RANBP3: variants seen among roughly 807,000 people sequenced by gnomAD.
The protein encoded by RANBP3 is ran-binding protein 3.
Under a neutral mutation model 77.3 loss-of-function variants are expected in RANBP3, and 14 were observed. The observed-to-expected ratio is 0.18, with a 90% CI of 0.12 to 0.28. RANBP3 has a LOEUF of 0.28. Among genes scored for constraint, RANBP3 ranks in the 10% least tolerant of loss-of-function variants. The pLI, the probability that RANBP3 is intolerant of heterozygous loss-of-function variation, is 1.00. For synonymous variants in RANBP3, 315 were observed against 312.4 expected (o/e 1.01, Z -0.09); for missense variants, 586 against 752.3 (o/e 0.78, Z 2.59).
intron 3 of RANBP3, among the ~76,000 whole-genome samples, chr19:5,949,751 A>G (rs1460340518): frequency 6.6e-6 from 1 of 152,182 alleles, no homozygotes; most frequent in East Asian, 1.9e-4. Flanking sequence ...GGATGCTGAG[A>G]TCTACCTGGG....
chr19:5,933,557 A>C (rs1367287060), intron 5 of RANBP3, 78 bp from the exon 6 acceptor site: 2 of 1,233,924 alleles, frequency 1.6e-6, no homozygotes, highest in Non-Finnish European at 2.3e-6. Flanking sequence ...GCAGGAGAGG[A>C]CTATGGTCTT....
intron 14 of RANBP3, among the ~76,000 whole-genome samples, chr19:5,920,160 G>T (rs2057799387): frequency 6.6e-6 from 1 of 152,260 alleles, no homozygotes; most frequent in Non-Finnish European, 1.5e-5. Flanking sequence ...GCTTTGGGAG[G>T]CTGAGGTGGG....
At chr19:5,918,331 T>C (rs2057771396) in intron 15 of RANBP3, 165 bp downstream of exon 15, 1 of 789,562 alleles carries the variant, frequency 1.3e-6, no homozygotes, top group East Asian at 2.8e-5. Context: ...TCTCTATTCC[T>C]GAAGGCTGGG....
chr19:5,927,743 AC>A (rs1252477241), intron 9 of RANBP3, among the ~76,000 whole-genome samples: 1 of 152,172 alleles, frequency 6.6e-6, no homozygotes, highest in Non-Finnish European at 1.5e-5. Flanking sequence ...TTGAGAAGTC[AC>A]TGCAGGTGAG....
chr19:5,972,632 C>T (rs377193167), intron 1 of RANBP3, among the ~76,000 whole-genome samples: 7 of 152,278 alleles, frequency 4.6e-5, no homozygotes, highest in South Asian at 2.1e-4. Flanking sequence ...TTTTGAGGAA[C>T]GGCGCTCTCT....
At chr19:5,964,736 G>C (rs2058443182) in intron 1 of RANBP3, among the ~76,000 whole-genome samples, 1 of 151,954 alleles carries the variant, frequency 6.6e-6, no homozygotes, top group Non-Finnish European at 1.5e-5. Context: ...GAGGAACCAG[G>C]TCAGGGTGGC....
intron 2 of RANBP3, among the ~76,000 whole-genome samples, chr19:5,955,099 T>C (rs377661563): frequency 1.5e-4 from 23 of 152,384 alleles, no homozygotes; most frequent in African/African-American, 5.0e-4. Context: ...AATATTTTGA[T>C]AAGAACTATA....
In RANBP3 at chr19:5,924,839, G is replaced by A. The variant is rs1271166286; in HGVS notation, c.984C>T (p.Ser328=). 7 of 1,613,952 alleles carry A rather than the reference G, an allele frequency of 4.3e-6. No individual in the cohort carries two copies. The highest frequency in any genetic ancestry group is 2.2e-5 in the East Asian group (1 of 44,892). The part of the protein sequence containing the change: ...SNKFVFGQNM[S]ERVLSPPKLN... ...CACAGCCACTCACCAAAACTCGCTC[G>A]CTCATGTTCTGGCCAAATACAAATT... The change falls in exon 11 of 17, where the codon AGC becomes AGT. Residue 328 remains serine (S), a synonymous_variant. Coordinates refer to ENST00000340578, the MANE Select transcript of RANBP3 (RefSeq NM_007322.3). The surrounding 1 kb of genome is among the most constrained non-coding windows in gnomAD (Gnocchi z 4.7).
At chr19:5,935,386 G>A (rs2058050266) in intron 5 of RANBP3, among the ~76,000 whole-genome samples, 1 of 152,216 alleles carries the variant, frequency 6.6e-6, no homozygotes, top group African/African-American at 2.4e-5. Flanking sequence ...AGGATGCGGG[G>A]GTGAGCCGCC....
chr19:5,921,039 G>T lies in RANBP3; in HGVS notation c.1330+162C>A. On this transcript the variant is annotated intron_variant, in intron 14 of 16. Transcript: ENST00000340578. The surrounding 1 kb of genome is among the most constrained non-coding windows in gnomAD (Gnocchi z 5.3). ...AGGGTGGTGTTGAGGGCTGGGTGCA[G>T]GGAGGGGGTTTGGGGGGCGGCTCTC... The T allele has an allele frequency of 1.3e-6, 1 of 797,672 alleles. No homozygotes were observed. The highest frequency in any genetic ancestry group is 3.1e-5 in the East Asian group (1 of 31,866). 49.4% of individuals were successfully genotyped at this position (797,672 alleles called of 1,614,324 possible).
chr19:5,954,545 A>G (rs2058313153), intron 2 of RANBP3, among the ~76,000 whole-genome samples: 1 of 152,168 alleles, frequency 6.6e-6, no homozygotes. Flanking sequence ...CAGAGAGGGC[A>G]GGGGCAGGAT....
chr19:5,976,246 A>C (rs1249401858), intron 1 of RANBP3: 2 of 152,120 alleles, frequency 1.3e-5, no homozygotes, highest in Non-Finnish European at 2.9e-5. Flanking sequence ...TTGTTTTGGA[A>C]ACGCTCTAGA....
At chr19:5,923,141 A>G in intron 13 of RANBP3, 53 bp downstream of exon 13, 2 of 1,453,456 alleles carry the variant, frequency 1.4e-6, no homozygotes, top group East Asian at 2.3e-5. Context: ...TTGCGGTTGG[A>G]CCCCCAGGTG....
intron 2 of RANBP3, among the ~76,000 whole-genome samples, chr19:5,954,845 C>T (rs368748646): frequency 3.9e-4 from 60 of 152,282 alleles, no homozygotes; most frequent in African/African-American, 1.2e-3. Context: ...GCCAGCCGCC[C>T]GCCCTGTGTG....
rs778417026 is a variant in RANBP3 at position 5,978,050 on chromosome 19, G to A, written c.22+11C>T. ...CGGCCGCCAGCCGGTCCCCAACGGC[G>A]CCTCCCCTACCTTCGTTCGCCAGGT... On this transcript the variant is annotated intron_variant, in intron 1 of 16. Transcript: ENST00000340578. 18 of 1,609,384 alleles carry A rather than the reference G, an allele frequency of 1.1e-5. No homozygotes were observed. In the South Asian group the frequency reaches 1.6e-4, roughly 14 times the overall value.
intron 2 of RANBP3, 100 bp downstream of exon 2, chr19:5,957,818 G>T: frequency 7.8e-7 from 1 of 1,280,466 alleles, no homozygotes; most frequent in Non-Finnish European, 1.1e-6. Flanking sequence ...CCGTCTGTGG[G>T]CAGAAGTGGC....
At chr19:5,960,932 A>G (rs1462519982) in intron 1 of RANBP3, among the ~76,000 whole-genome samples, 2 of 152,278 alleles carry the variant, frequency 1.3e-5, no homozygotes, top group East Asian at 1.9e-4. Flanking sequence ...GAGGCTATGG[A>G]AGGGGACGTG....
chr19:5,954,377 G>A (rs8106552), intron 2 of RANBP3, among the ~76,000 whole-genome samples: 2,125 of 152,250 alleles, frequency 0.014, 50 homozygotes, highest in African/African-American at 0.048. Flanking sequence ...CTATATACTG[G>A]AGGATATTAC....
rs2058023006 is a variant in RANBP3, at chr19:5,933,466, A to G, written c.420T>C (p.Ser140=). 6.2e-7 allele frequency: 1 copy of G among 1,613,392 alleles called. No individual in the cohort carries two copies. The highest frequency in any genetic ancestry group is 8.5e-7 in the Non-Finnish European group (1 of 1,179,816). Residue 140 remains serine, a synonymous_variant, in exon 6 of 17, where the codon AGT becomes AGC. Transcript: ENST00000340578. ...GCGTTGGTGGCTTCAACCGGAAGCC[A>G]CTGCTCCTTTCCTCTAAAAGCACAA... The part of the protein sequence containing the change: ...FPPSQSEERS[S]GFRLKPPTLI...
Sources: allele counts gnomAD v4.1 joint callset (sites outside exome capture counted in the v4.1 genomes callset), GRCh38; gene constraint gnomAD v4.1.1; non-coding constraint Gnocchi (gnomAD v3.1); transcripts MANE v1.5; gene names NCBI Gene and HGNC (gene_info 2026-07-23, HGNC 2026-07-21).